MYO9A: variants seen among roughly 807,000 people sequenced by gnomAD.
MYO9A encodes the protein myosin IXA.
Under a neutral mutation model 293.3 loss-of-function variants are expected in MYO9A, and 103 were observed. That is an observed-to-expected ratio of 0.35 (90% CI 0.30 to 0.41). The LOEUF is 0.41. MYO9A is among the 10% of genes least tolerant of loss of function. The probability of loss-of-function intolerance (pLI) is 1.00; values close to 1 mark genes in which losing one functional copy is unlikely to be tolerated. For missense variants in MYO9A, 2,685 were observed against 3,033.0 expected (o/e 0.89, Z 2.69); for synonymous variants, 1,001 against 1,035.7 (o/e 0.97, Z 0.64).
Position 71,826,616 on chromosome 15 carries a change from C to CTGTT in MYO9A, c.7607_7610dup (p.Leu2538ThrfsTer8), listed in dbSNP as rs749002489. On this transcript the variant is annotated frameshift_variant, in exon 42 of 42. Transcript: ENST00000356056. LOFTEE classifies it high-confidence loss of function. ...ATTCATTATTTCCAAAGAGTGCTAG[C>CTGTT]TGTTGGTTGGAGGTGCAGTCTGGGT... is the stretch of plus-strand genomic sequence containing the variant. 6.2e-6 allele frequency: 10 copies of CTGTT among 1,608,612 alleles called. No individual in the cohort carries two copies. Among genetic ancestry groups the CTGTT allele is most frequent in the East Asian group, 2.2e-5 (1 of 44,858 alleles).
At chr15:71,916,338 T>C in intron 19 of MYO9A, 32 bp downstream of exon 19, 1 of 1,598,924 alleles carries the variant, frequency 6.3e-7, no homozygotes, top group Non-Finnish European at 8.5e-7. Flanking sequence ...AGATACAGAT[T>C]CTTATTTGTT....
At chr15:71,939,248 T>C (rs921963561) in intron 15 of MYO9A, among the ~76,000 whole-genome samples, 3 of 152,174 alleles carry the variant, frequency 2.0e-5, no homozygotes, top group Admixed American at 1.3e-4. Flanking sequence ...CACATGAAGG[T>C]TTGTTACAAA....
intron 11 of MYO9A, among the ~76,000 whole-genome samples, chr15:71,982,713 T>C (rs1231469486): frequency 6.6e-6 from 1 of 152,250 alleles, no homozygotes; most frequent in Non-Finnish European, 1.5e-5. Flanking sequence ...TACCAACTTT[T>C]TGAACACTTA....
intron 1 of MYO9A, among the ~76,000 whole-genome samples, chr15:72,074,584 AGTT>A (rs1256362497): frequency 6.6e-6 from 1 of 152,226 alleles, no homozygotes; most frequent in Non-Finnish European, 1.5e-5. Context: ...CCACAAGTAA[AGTT>A]AATCAAAACA....
Position 71,830,221 on chromosome 15 carries a change from TCTC to T in MYO9A, c.6925_6927del (p.Glu2309del). On this transcript the variant is annotated inframe_deletion, in exon 40 of 42. Transcript: ENST00000356056. ...TCCATGGCTGCCTCACTAGTCAAGG[TCTC>T]CTCTGAGACATCAGACACAGAAGGC... 2 of 1,613,992 alleles carry T rather than the reference TCTC, an allele frequency of 1.2e-6. No individual in the cohort carries two copies. The highest frequency in any genetic ancestry group is 1.7e-6 in the Non-Finnish European group (2 of 1,179,970).
chr15:71,848,813 A>G, intron 39 of MYO9A, 32 bp downstream of exon 39: 1 of 1,576,562 alleles, frequency 6.3e-7, no homozygotes, highest in East Asian at 2.3e-5. Flanking sequence ...GACAACTCCC[A>G]TTTTTCCACT....
chr15:71,893,107 G>A (rs1040493080), intron 26 of MYO9A: 2 of 1,290,076 alleles, frequency 1.6e-6, no homozygotes, highest in Non-Finnish European at 2.0e-6. Flanking sequence ...ATCGGCAAAA[G>A]TACCTCTAGT....
chr15:72,059,087 T>C (rs1205546801), intron 1 of MYO9A, among the ~76,000 whole-genome samples: 1 of 152,220 alleles, frequency 6.6e-6, no homozygotes, highest in Non-Finnish European at 1.5e-5. Context: ...TATAGTCAAG[T>C]TACCTCTCTG....
intron 31 of MYO9A, among the ~76,000 whole-genome samples, chr15:71,876,418 G>C (rs2056689201): frequency 7.3e-6 from 1 of 137,720 alleles, no homozygotes; most frequent in Non-Finnish European, 1.5e-5. Context: ...CACCACGCCT[G>C]GCTGGTATTT....
At chr15:71,990,318 C>T (rs2076508253) in intron 11 of MYO9A, among the ~76,000 whole-genome samples, 1 of 151,850 alleles carries the variant, frequency 6.6e-6, no homozygotes, top group South Asian at 2.1e-4. Flanking sequence ...CTCCTGGGCT[C>T]AAGAGATCCA....
intron 4 of MYO9A, among the ~76,000 whole-genome samples, chr15:72,022,139 ACAAT>A (rs2077519222): frequency 1.3e-5 from 2 of 152,244 alleles, no homozygotes; most frequent in South Asian, 4.1e-4. Context: ...GTCACAATTA[ACAAT>A]CAGACAGTAG....
rs1441821679 is a variant in MYO9A, at chr15:71,844,404, T to C, written c.6837+4441A>G. On this transcript the variant is annotated intron_variant, in intron 39 of 41. Coordinates refer to ENST00000356056, the MANE Select transcript of MYO9A (RefSeq NM_006901.4). Reference sequence around the variant, plus strand: ...GAATGATATTCTGAAACAGACAGTCTTAATTATTTAATTTGGGTGAGAATT... The same window carrying C: ...GAATGATATTCTGAAACAGACAGTCCTAATTATTTAATTTGGGTGAGAATT... Among the ~76,000 whole-genome samples, 4 of 152,358 alleles carry C rather than the reference T, an allele frequency of 2.6e-5. No individual in the cohort carries two copies. The East Asian group carries it at 7.7e-4, about 29-fold the overall frequency.
intron 37 of MYO9A, 110 bp from the exon 38 acceptor site, chr15:71,850,277 A>C (rs1194047311): frequency 1.6e-6 from 2 of 1,253,680 alleles, no homozygotes; most frequent in Admixed American, 3.8e-5. Flanking sequence ...CATGAACTGC[A>C]TAGTACTAGA....
Position 71,973,508 on chromosome 15 carries a change from A to G in MYO9A, c.1844+4663T>C, listed in dbSNP as rs570301344. On this transcript the variant is annotated intron_variant, in intron 12 of 41. Coordinates refer to ENST00000356056, the MANE Select transcript of MYO9A (RefSeq NM_006901.4). ...ACTAAGCAATCTCAGACATCTATAC[A>G]TGATTGAGACACACAGGACGTTATT... Among the ~76,000 whole-genome samples, 220 of 152,238 alleles carry G rather than the reference A, an allele frequency of 1.4e-3. 7 individuals are homozygous for G. In the South Asian group the frequency reaches 0.044, roughly 30 times the overall value.
chr15:72,022,831 T>C (rs530041343), intron 4 of MYO9A, among the ~76,000 whole-genome samples: 1 of 152,078 alleles, frequency 6.6e-6, no homozygotes, highest in South Asian at 2.1e-4. Flanking sequence ...ATTACAAGCG[T>C]GAGTCACCAC....
In MYO9A at chr15:72,046,360, T is replaced by C; in HGVS notation, c.204A>G (p.Glu68=). 1.2e-6 allele frequency: 2 copies of C among 1,613,920 alleles called. No homozygotes were observed. Among genetic ancestry groups the C allele is most frequent in the South Asian group, 2.2e-5 (2 of 91,074 alleles). ...TKCYVLAEVK[E]FGGEEWILNP... is the part of the protein sequence containing the mutation. ...TGAGAATCCATTCTTCTCCACCAAA[T>C]TCCTTTACCTCTGCTAGAACATAAC... is the stretch of plus-strand genomic sequence containing the variant. The change falls in exon 2 of 42, where the codon GAA becomes GAG. Residue 68 remains glutamate, a synonymous_variant. Transcript: ENST00000356056.
At chr15:71,852,756 G>A (rs1327146564) in intron 35 of MYO9A, among the ~76,000 whole-genome samples, 2 of 152,298 alleles carry the variant, frequency 1.3e-5, no homozygotes, top group South Asian at 2.1e-4. Flanking sequence ...GAAAGAATAC[G>A]TCTTGTGTAT....
intron 5 of MYO9A, among the ~76,000 whole-genome samples, 184 bp downstream of exon 5, chr15:72,020,734 A>G (rs1314764562): frequency 6.6e-6 from 1 of 152,166 alleles, no homozygotes; most frequent in South Asian, 2.1e-4. Context: ...AGCTTTTAAC[A>G]TTTATATGAG....
At chr15:72,051,251 C>A (rs2078553352) in intron 1 of MYO9A, among the ~76,000 whole-genome samples, 1 of 152,174 alleles carries the variant, frequency 6.6e-6, no homozygotes, top group African/African-American at 2.4e-5. Flanking sequence ...ATAGCGGCCA[C>A]TGCCATGATA....
Sources: allele counts gnomAD v4.1 joint callset (sites outside exome capture counted in the v4.1 genomes callset), GRCh38; gene constraint gnomAD v4.1.1; transcripts MANE v1.5; gene names NCBI Gene and HGNC (gene_info 2026-07-23, HGNC 2026-07-21).